The following VASN variants were observed in gnomAD, a reference collection of about 807,000 sequenced individuals.
The protein encoded by VASN is vasorin, also known as protein slit-like 2.
In VASN, 5 loss-of-function variants were observed where a neutral mutation model predicts 4.8. That is an observed-to-expected ratio of 1.03 (90% CI 0.54 to 2.17). The LOEUF (loss-of-function observed/expected upper bound fraction) is 2.17, where lower values mean the gene tolerates loss of function less well. Among genes scored for constraint, VASN ranks in the 30% most tolerant of loss-of-function variants. The probability of loss-of-function intolerance (pLI) is 0.01; values close to 1 mark genes in which losing one functional copy is unlikely to be tolerated. For missense variants in VASN, 927 were observed against 948.8 expected (o/e 0.98, Z 0.30); for synonymous variants, 499 against 460.8 (o/e 1.08, Z -1.06).
chr16:4,375,713 C>T (rs945572834), intron 1 of VASN, among the ~76,000 whole-genome samples: 9 of 152,248 alleles, frequency 5.9e-5, no homozygotes, highest in African/African-American at 2.2e-4. Flanking sequence ...TGGTCTCGAT[C>T]TCCTGACCTC....
rs140229140 is a variant in VASN at position 4,381,767 on chromosome 16, G to A, written c.890G>A (p.Arg297His). ...FPRLRLLAAARNPFNCVCPLS... is the reference protein window; with the variant it reads ...FPRLRLLAAAHNPFNCVCPLS... The stretch of plus-strand genomic sequence containing the variant: ...CGCCTGCGGCTGCTGGCAGCTGCCC[G>A]CAACCCCTTCAACTGCGTGTGCCCC... The change falls in exon 2 of 2, where the codon CGC becomes CAC. Residue 297 changes from arginine to histidine, a missense_variant. Physicochemically the swap from Arg to His is conservative, Grantham distance 29. Coordinates refer to ENST00000304735, the MANE Select transcript of VASN (RefSeq NM_138440.3). 127 of 1,601,686 alleles carry A rather than the reference G, an allele frequency of 7.9e-5. No homozygotes were observed. Among genetic ancestry groups the A allele is most frequent in the Admixed American group, 6.3e-4 (38 of 59,896 alleles).
chr16:4,374,858 TCCTTG>T (rs1483689695), intron 1 of VASN, among the ~76,000 whole-genome samples: 8 of 152,092 alleles, frequency 5.3e-5, no homozygotes, highest in Non-Finnish European at 1.2e-4. Context: ...CTGGCGGCCT[TCCTTG>T]GTGACTAAGG....
rs372383118 is a variant in VASN, at chr16:4,382,515, C to T, written c.1638C>T (p.Gly546=). 1.1e-5 allele frequency: 17 copies of T among 1,592,032 alleles called. No homozygotes were observed. Among genetic ancestry groups the T allele is most frequent in the South Asian group, 3.4e-5 (3 of 88,268 alleles). ...TGGGGCCCGGGCGGGTGCCGGAGGGCGAGGAGGCCTGCGGGGAGGCCCATA... is the reference window on the plus strand; with the variant it reads ...TGGGGCCCGGGCGGGTGCCGGAGGGTGAGGAGGCCTGCGGGGAGGCCCATA... ...MPLGPGRVPE[G]EEACGEAHTP... Residue 546 remains glycine (G), a synonymous_variant, in exon 2 of 2, where the codon GGC becomes GGT. Transcript: ENST00000304735.
chr16:4,382,551 C>T lies in VASN; in HGVS notation c.1674C>T (p.Ala558=), dbSNP rs756341572. The stretch of plus-strand genomic sequence containing the variant: ...GCGGGGAGGCCCATACACCCCCAGC[C>T]GTCCACTCCAACCACGCCCCAGTCA... The part of the protein sequence containing the change: ...EACGEAHTPP[A]VHSNHAPVTQ... Residue 558 remains alanine (A), a synonymous_variant, in exon 2 of 2, where the codon GCC becomes GCT. Coordinates refer to ENST00000304735, the MANE Select transcript of VASN (RefSeq NM_138440.3). The T allele has an allele frequency of 3.1e-6, 5 of 1,593,860 alleles. No individual in the cohort carries two copies. The highest frequency in any genetic ancestry group is 1.7e-4 in the Middle Eastern group (1 of 6,036).
rs752771700 is a variant in VASN, at chr16:4,381,382, C to A, written c.505C>A (p.Pro169Thr). 8.2e-6 allele frequency: 13 copies of A among 1,589,536 alleles called. No individual in the cohort carries two copies. In the African/African-American group the frequency reaches 1.6e-4, roughly 20 times the overall value. The change falls in exon 2 of 2, where the codon CCC becomes ACC. Residue 169 changes from proline (P) to threonine (T), a missense_variant. Pro to Thr is a conservative substitution (Grantham distance 38, BLOSUM62 -1). Coordinates refer to ENST00000304735, the MANE Select transcript of VASN (RefSeq NM_138440.3). ...ELRALPPLRL[P>T]RLLLLDLSHN... ...GCGGGCACTGCCCCCGCTGCGCCTG[C>A]CCCGCCTGCTGCTGCTGGACCTCAG...
chr16:4,379,590 G>A (rs1457285805), intron 1 of VASN, among the ~76,000 whole-genome samples: 1 of 152,150 alleles, frequency 6.6e-6, no homozygotes. Flanking sequence ...TGTCTGCCCT[G>A]ACGTGGCTGC....
chr16:4,379,401 CT>C (rs928292915), intron 1 of VASN, among the ~76,000 whole-genome samples: 7 of 152,060 alleles, frequency 4.6e-5, no homozygotes, highest in Non-Finnish European at 2.9e-5. Context: ...ACCTGCCTGA[CT>C]TGGGCAGTGC....
chr16:4,372,559 T>G (rs1457348681), intron 1 of VASN, among the ~76,000 whole-genome samples: 3 of 152,136 alleles, frequency 2.0e-5, no homozygotes, highest in Non-Finnish European at 4.4e-5. Flanking sequence ...CCAGGGCCCT[T>G]AGAGCTTCGG....
At chr16:4,375,281 A>G (rs2054678622) in intron 1 of VASN, among the ~76,000 whole-genome samples, 1 of 152,172 alleles carries the variant, frequency 6.6e-6, no homozygotes, top group Non-Finnish European at 1.5e-5. Context: ...GGAGGAGGGA[A>G]GACCCTGTGC....
rs888092521 is a variant in VASN at position 4,382,784 on chromosome 16, A to G, written c.1907A>G (p.Lys636Arg). Residue 636 changes from lysine to arginine, a missense_variant, in exon 2 of 2, where the codon AAG becomes AGG. Lys to Arg is a conservative substitution (Grantham distance 26). Transcript: ENST00000304735. ...AAGGTCCCCTTGGAGCCAGGCCCGA[A>G]GGCAACAGAGGGCGGTGGAGAGGCC... Reference protein sequence around the residue: ...GVKVPLEPGPKATEGGGEALP... With the variant: ...GVKVPLEPGPRATEGGGEALP... 6.6e-5 allele frequency: 104 copies of G among 1,581,198 alleles called. No homozygotes were observed. Among genetic ancestry groups the G allele is most frequent in the Non-Finnish European group, 8.7e-5 (101 of 1,164,554 alleles).
chr16:4,376,745 C>T (rs1295618171), intron 1 of VASN, among the ~76,000 whole-genome samples: 1 of 152,268 alleles, frequency 6.6e-6, no homozygotes, highest in Admixed American at 6.5e-5. Context: ...TCCCTGAAGT[C>T]CTGTGCTGAA....
rs748494135 is a variant in VASN at position 4,382,043 on chromosome 16, C to T, written c.1166C>T (p.Ala389Val). The T allele has an allele frequency of 1.3e-6, 2 of 1,592,936 alleles. No homozygotes were observed. The highest frequency in any genetic ancestry group is 1.7e-6 in the Non-Finnish European group (2 of 1,171,318). ...AGCCCCACAGAGCCGGCCACTGAGG[C>T]CCCCAGCCCGCCCTCCACTGCCCCA... ...WLSPTEPATE[A>V]PSPPSTAPPT... The change falls in exon 2 of 2, where the codon GCC becomes GTC. Residue 389 changes from alanine (A) to valine (V), a missense_variant. Transcript: ENST00000304735.
Position 4,382,597 on chromosome 16 carries a change from C to T in VASN, c.1720C>T (p.Leu574=), listed in dbSNP as rs770367831. ...APVTQAREGN[L]PLLIAPALAA... ...AGTCACCCAGGCCCGCGAGGGCAAC[C>T]TGCCGCTCCTCATTGCGCCCGCCCT... is the stretch of plus-strand genomic sequence containing the variant. The change falls in exon 2 of 2, where the codon CTG becomes TTG. Residue 574 remains leucine, a synonymous_variant. Transcript: ENST00000304735. The T allele has an allele frequency of 1.3e-6, 2 of 1,589,818 alleles. No homozygotes were observed. The highest frequency in any genetic ancestry group is 1.7e-6 in the Non-Finnish European group (2 of 1,169,864).
intron 1 of VASN, among the ~76,000 whole-genome samples, chr16:4,372,577 G>A (rs1373557315): frequency 1.3e-5 from 2 of 152,184 alleles, no homozygotes; most frequent in African/African-American, 2.4e-5. Context: ...CGGGTATCAG[G>A]CAGGGTGCCG....
At chr16:4,377,860 C>T (rs56845560) in intron 1 of VASN, among the ~76,000 whole-genome samples, 3,105 of 152,308 alleles carry the variant, frequency 0.02, 108 homozygotes, top group African/African-American at 0.07. Context: ...TGGCTGCCGC[C>T]TGCTGGATGG....
chr16:4,383,295 G>A lies in VASN; in HGVS notation c.*396G>A. ...AGAGCAGAGGGAGAGCGGGTAGGCGGCTGTGTGACTCTAGTCTTGGCCCCA... is the reference window on the plus strand; with the variant it reads ...AGAGCAGAGGGAGAGCGGGTAGGCGACTGTGTGACTCTAGTCTTGGCCCCA... On this transcript the variant is annotated 3_prime_UTR_variant, in exon 2 of 2. Coordinates refer to ENST00000304735, the MANE Select transcript of VASN (RefSeq NM_138440.3). 1 of 225,540 alleles carries A rather than the reference G, an allele frequency of 4.4e-6. No homozygotes were observed. Among genetic ancestry groups the A allele is most frequent in the Admixed American group, 5.8e-5 (1 of 17,164 alleles). 14.0% of individuals were successfully genotyped at this position (225,540 alleles called of 1,614,324 possible).
At position 4,383,053 on chromosome 16, in the gene VASN, C is replaced by T; in HGVS notation, c.*154C>T. On this transcript the variant is annotated 3_prime_UTR_variant, in exon 2 of 2. Transcript: ENST00000304735. ...ACAGCTGGGCCCTGTTCCCTCTGGA[C>T]CTCGGTCTCCTCATCTGTGAGATGC... 1.0e-5 allele frequency: 8 copies of T among 803,094 alleles called. No homozygotes were observed. The highest frequency in any genetic ancestry group is 1.3e-5 in the Non-Finnish European group (7 of 530,436). The allele number at this position is 803,094 out of a possible 1,614,324, so 49.7% of individuals were successfully genotyped here.
In VASN at chr16:4,381,588, C is replaced by A. The variant is rs2054967130; in HGVS notation, c.711C>A (p.Gly237=). ...QLERVPPVIR[G]LRGLTRLRLA... Reference sequence around the variant, plus strand: ...AGCGAGTGCCACCTGTGATCCGAGGCCTCCGGGGCCTGACGCGCCTGCGGC... The same window carrying A: ...AGCGAGTGCCACCTGTGATCCGAGGACTCCGGGGCCTGACGCGCCTGCGGC... Residue 237 remains glycine, a synonymous_variant, in exon 2 of 2, where the codon GGC becomes GGA. Transcript: ENST00000304735. 2 of 1,601,842 alleles carry A rather than the reference C, an allele frequency of 1.2e-6. No homozygotes were observed. Among genetic ancestry groups the A allele is most frequent in the South Asian group, 1.1e-5 (1 of 89,554 alleles).
In VASN at chr16:4,381,509, T is replaced by C. The variant is rs2054962194; in HGVS notation, c.632T>C (p.Leu211Pro). The C allele has an allele frequency of 1.3e-6, 2 of 1,595,522 alleles. No homozygotes were observed. Among genetic ancestry groups the C allele is most frequent in the African/African-American group, 1.3e-5 (1 of 74,472 alleles). ...GLGLQQLDEG[L>P]FSRLRNLHDL... ...GGGCTGCAGCAGCTGGACGAGGGGC[T>C]CTTCAGCCGCTTGCGCAACCTCCAC... is the stretch of plus-strand genomic sequence containing the variant. Residue 211 changes from leucine (L) to proline (P), a missense_variant, in exon 2 of 2, where the codon CTC becomes CCC. By Grantham distance (98) the Leu-to-Pro change is moderately conservative. Transcript: ENST00000304735.
Sources: allele counts gnomAD v4.1 joint callset (sites outside exome capture counted in the v4.1 genomes callset), GRCh38; gene constraint gnomAD v4.1.1; transcripts MANE v1.5; gene names NCBI Gene and HGNC (gene_info 2026-07-23, HGNC 2026-07-21).